CNTNAP2: variants seen among roughly 807,000 people sequenced by gnomAD.
CNTNAP2 encodes contactin-associated protein-like 2.
CNTNAP2 carries 98 observed loss-of-function variants against 155.2 expected under a neutral mutation model. The ratio of observed to expected loss-of-function variants is 0.63; its 90% CI spans 0.54 to 0.75. The LOEUF is 0.75. Ranked by LOEUF, CNTNAP2 falls within the 30% of genes least tolerant of loss-of-function variation. The pLI is 0.00. For synonymous variants in CNTNAP2, 651 were observed against 631.2 expected (o/e 1.03, Z -0.47); for missense variants, 1,727 against 1,688.1 (o/e 1.02, Z -0.40).
chr7:147,416,210 C>T (rs2116498634), intron 10 of CNTNAP2, among the ~76,000 whole-genome samples: 1 of 152,300 alleles, frequency 6.6e-6, no homozygotes, highest in Non-Finnish European at 1.5e-5. Flanking sequence ...CAATCAGTTT[C>T]TCAACCTGTG....
chr7:146,824,635 C>T (rs1803364103), intron 2 of CNTNAP2, among the ~76,000 whole-genome samples: 1 of 152,082 alleles, frequency 6.6e-6, no homozygotes, highest in South Asian at 2.1e-4. Context: ...TCTCTAATGA[C>T]CAGCGATCAT....
chr7:148,294,510 T>G (rs1354288454), intron 21 of CNTNAP2, among the ~76,000 whole-genome samples: 1 of 152,188 alleles, frequency 6.6e-6, no homozygotes, highest in Non-Finnish European at 1.5e-5. Flanking sequence ...AATCCTTCCC[T>G]CTTTAGGGTG....
At chr7:146,708,246 G>A (rs1388666580) in intron 1 of CNTNAP2, among the ~76,000 whole-genome samples, 2 of 151,998 alleles carry the variant, frequency 1.3e-5, no homozygotes, top group African/African-American at 2.4e-5. Context: ...TTGCAGTGAA[G>A]CTACTACCTT....
At chr7:148,171,401 G>A (rs2906289) in intron 17 of CNTNAP2, among the ~76,000 whole-genome samples, 3 of 152,048 alleles carry the variant, frequency 2.0e-5, no homozygotes, top group Non-Finnish European at 2.9e-5. Flanking sequence ...ATTTGAGTTC[G>A]TCCTTTTATA....
chr7:147,929,028 G>A (rs1800449657), intron 14 of CNTNAP2, among the ~76,000 whole-genome samples: 1 of 138,198 alleles, frequency 7.2e-6, no homozygotes. Context: ...GGAGGCAGAG[G>A]TTGCAGTGAG....
In CNTNAP2 at chr7:147,992,087, C is replaced by CTTTTTTTTTTTT. The variant is rs36015914; in HGVS notation, c.2383+14112_2383+14123dup. On this transcript the variant is annotated intron_variant, in intron 15 of 23. Coordinates refer to ENST00000361727, the MANE Select transcript of CNTNAP2 (RefSeq NM_014141.6). ...AAACATAAGATTTGTATTACTACCT[C>CTTTTTTTTTTTT]TTTTTTTTTTTTTTTTTTTTTTTTT... Among the ~76,000 whole-genome samples the CTTTTTTTTTTTT allele has an allele frequency of 1.2e-4, 9 of 72,770 alleles. 3 individuals carry two copies. The highest frequency in any genetic ancestry group is 4.0e-4 in the African/African-American group (7 of 17,434). The allele number at this position is 72,770 out of a possible 152,430, so 47.7% of individuals were successfully genotyped here.
chr7:147,736,427 C>T (rs577815994), intron 13 of CNTNAP2, among the ~76,000 whole-genome samples: 165 of 152,194 alleles, frequency 1.1e-3, no homozygotes, highest in African/African-American at 3.8e-3. Flanking sequence ...GTGGGTAACC[C>T]GACCTTTCTC....
At chr7:147,946,297 T>C (rs1005800365) in intron 14 of CNTNAP2, among the ~76,000 whole-genome samples, 1 of 152,090 alleles carries the variant, frequency 6.6e-6, no homozygotes, top group Admixed American at 6.6e-5. Flanking sequence ...TGTGCTGCCA[T>C]GTTTACTTTT....
rs1241843829 is a variant in CNTNAP2, at chr7:146,901,876, T to TG, written c.402+61972_402+61973insG. Among the ~76,000 whole-genome samples the TG allele has an allele frequency of 7.3e-5, 10 of 136,398 alleles. No homozygotes were observed. The East Asian group carries it at 2.0e-3, about 28-fold the overall frequency. 89.5% of individuals were successfully genotyped at this position (136,398 alleles called of 152,430 possible). A position where few individuals can be genotyped will look rare whatever the true frequency, so the allele number is the denominator to read the frequency against. ...TTTTCTTGCATATATGCTCCTTTTTTTTTTTTTTTTTTTTTTTGAGACGGT... is the reference window on the plus strand; with the variant it reads ...TTTTCTTGCATATATGCTCCTTTTTTGTTTTTTTTTTTTTTTTTGAGACGGT... On this transcript the variant is annotated intron_variant, in intron 3 of 23. Coordinates refer to ENST00000361727, the MANE Select transcript of CNTNAP2 (RefSeq NM_014141.6).
intron 21 of CNTNAP2, among the ~76,000 whole-genome samples, chr7:148,288,416 A>G (rs1797129012): frequency 6.6e-6 from 1 of 152,044 alleles, no homozygotes; most frequent in South Asian, 2.1e-4. Context: ...CTCTTTCTTT[A>G]AAGCCACCAG....
chr7:148,302,507 G>A (rs953457390), intron 21 of CNTNAP2, among the ~76,000 whole-genome samples: 5 of 152,112 alleles, frequency 3.3e-5, no homozygotes, highest in Non-Finnish European at 4.4e-5. Context: ...GCCATGTGAT[G>A]TGGTTTGACT....
At chr7:146,967,883 G>A (rs1199531482) in intron 3 of CNTNAP2, among the ~76,000 whole-genome samples, 1 of 151,876 alleles carries the variant, frequency 6.6e-6, no homozygotes, top group Non-Finnish European at 1.5e-5. Flanking sequence ...TCCCTGTCTT[G>A]TGCCAGTTTT....
intron 18 of CNTNAP2, among the ~76,000 whole-genome samples, chr7:148,176,211 CTTTTTTTTTTT>C (rs1188113801): frequency 1.4e-4 from 13 of 92,802 alleles, no homozygotes; most frequent in African/African-American, 4.7e-4. Context: ...CTTTCTTTCT[CTTTTTTTTTTT>C]TTTTTTTTTT....
intron 14 of CNTNAP2, among the ~76,000 whole-genome samples, chr7:147,951,819 T>C (rs1800935022): frequency 6.6e-6 from 1 of 151,962 alleles, no homozygotes; most frequent in South Asian, 2.1e-4. Flanking sequence ...ACCTAATGCA[T>C]GCGGGGCTTA....
At chr7:146,934,820 T>C (rs1333954255) in intron 3 of CNTNAP2, among the ~76,000 whole-genome samples, 1 of 152,092 alleles carries the variant, frequency 6.6e-6, no homozygotes, top group East Asian at 1.9e-4. Flanking sequence ...CTGCCTCTTA[T>C]TGGATAAGGA....
chr7:147,472,746 G>C (rs1798247696), intron 10 of CNTNAP2, among the ~76,000 whole-genome samples: 1 of 152,286 alleles, frequency 6.6e-6, no homozygotes, highest in Non-Finnish European at 1.5e-5. Context: ...ATGCAGAAGT[G>C]AAAGGAATGT....
At chr7:147,882,063 ATGT>A (rs1170180271) in intron 13 of CNTNAP2, among the ~76,000 whole-genome samples, 1 of 152,162 alleles carries the variant, frequency 6.6e-6, no homozygotes, top group Admixed American at 6.5e-5. Flanking sequence ...GGTGTGAATA[ATGT>A]TGTTACAATA....
intron 2 of CNTNAP2, among the ~76,000 whole-genome samples, chr7:146,824,247 A>G (rs1204444943): frequency 6.6e-6 from 1 of 152,074 alleles, no homozygotes; most frequent in Non-Finnish European, 1.5e-5. Context: ...TAGTATTCCA[A>G]AAATGTATAT....
At chr7:146,734,885 A>T (rs192263616) in intron 1 of CNTNAP2, among the ~76,000 whole-genome samples, 6 of 152,180 alleles carry the variant, frequency 3.9e-5, no homozygotes, top group African/African-American at 1.4e-4. Context: ...ATTTTGAGTA[A>T]TGCTGTTATC....
Sources: gnomAD v4.1 joint callset for allele counts (sites outside exome capture counted in the v4.1 genomes callset) on GRCh38, gnomAD v4.1.1 for gene constraint, MANE v1.5 for transcripts, NCBI Gene and HGNC (gene_info 2026-07-23, HGNC 2026-07-21) for gene names.